Variants in GRM7 observed in about 807,000 individuals in gnomAD.
GRM7 encodes the protein glutamate metabotropic receptor 7.
A neutral mutation model predicts 84.5 loss-of-function variants in GRM7; 35 were observed. That is an observed-to-expected ratio of 0.41 (90% confidence interval 0.32 to 0.55). GRM7 has a LOEUF of 0.55. Among genes scored for constraint, GRM7 ranks in the 20% least tolerant of loss-of-function variants. The pLI, the probability that GRM7 is intolerant of heterozygous loss-of-function variation, is 0.19. For synonymous variants in GRM7, 487 were observed against 455.1 expected, an observed-to-expected ratio of 1.07 and a Z score of -0.89; for missense variants, 1,003 against 1,194.6, an observed-to-expected ratio of 0.84 and a Z score of 2.36.
At chr3:7,271,514 G>C (rs1017840032) in intron 2 of GRM7, among the ~76,000 whole-genome samples, 2 of 146,448 alleles carry the variant, frequency 1.4e-5, no homozygotes, top group African/African-American at 5.1e-5. Context: ...AGCTGAAATC[G>C]CGTCATTGCA....
intron 1 of GRM7, among the ~76,000 whole-genome samples, chr3:6,876,737 G>A (rs1393130899): frequency 6.6e-6 from 1 of 151,814 alleles, no homozygotes; most frequent in Non-Finnish European, 1.5e-5. Context: ...GAGAAGCTGG[G>A]ATTATAGGCA....
intron 1 of GRM7, among the ~76,000 whole-genome samples, chr3:7,061,519 C>T (rs1241833657): frequency 2.6e-5 from 4 of 151,594 alleles, no homozygotes; most frequent in Non-Finnish European, 5.9e-5. Context: ...TTGTACCTAG[C>T]AATTAAGATC....
intron 7 of GRM7, among the ~76,000 whole-genome samples, chr3:7,562,072 C>G (rs1036728598): frequency 2.0e-5 from 3 of 152,120 alleles, no homozygotes; most frequent in Admixed American, 6.6e-5. Flanking sequence ...AACTGATTCT[C>G]CAATTCATCA....
At chr3:7,389,737 G>A (rs1010098131) in intron 4 of GRM7, among the ~76,000 whole-genome samples, 2 of 150,774 alleles carry the variant, frequency 1.3e-5, no homozygotes, top group African/African-American at 4.9e-5. Flanking sequence ...CTGAGTCTAT[G>A]AGTGTCATTA....
chr3:7,362,190 G>GTAAT (rs1693692733), intron 4 of GRM7, among the ~76,000 whole-genome samples: 1 of 152,036 alleles, frequency 6.6e-6, no homozygotes, highest in Non-Finnish European at 1.5e-5. Context: ...TTGTAACAGC[G>GTAAT]TAATTAATGT....
intron 8 of GRM7, among the ~76,000 whole-genome samples, chr3:7,631,038 A>T (rs566858741): frequency 6.6e-6 from 1 of 152,298 alleles, no homozygotes; most frequent in Admixed American, 6.5e-5. Flanking sequence ...TCCTCTCTGG[A>T]TCTGTGTTCT....
intron 7 of GRM7, among the ~76,000 whole-genome samples, chr3:7,572,823 AATATATATATATAT>A (rs1158871205): frequency 0.013 from 162 of 12,410 alleles, 4 homozygotes; most frequent in African/African-American, 0.031. Flanking sequence ...CTCTATCTCA[AATATATATATATAT>A]ATATATATAT....
intron 1 of GRM7, among the ~76,000 whole-genome samples, chr3:7,035,525 G>A (rs532857159): frequency 6.6e-6 from 1 of 152,262 alleles, no homozygotes; most frequent in Middle Eastern, 3.4e-3. Flanking sequence ...GTGGCTATCC[G>A]AAATAAACAA....
intron 8 of GRM7, among the ~76,000 whole-genome samples, chr3:7,674,366 A>T (rs1412399080): frequency 1.3e-5 from 2 of 151,910 alleles, no homozygotes; most frequent in African/African-American, 4.8e-5. Flanking sequence ...TAACCGTTGT[A>T]TTTTTAATAG....
At chr3:7,633,725 T>C (rs541331168) in intron 8 of GRM7, among the ~76,000 whole-genome samples, 5 of 152,316 alleles carry the variant, frequency 3.3e-5, no homozygotes, top group Admixed American at 2.0e-4. Context: ...AAAGTGATCA[T>C]TGATGTTCCT....
chr3:7,230,428 T>TGCCTTGCTTTTGC (rs1697156400), intron 2 of GRM7, among the ~76,000 whole-genome samples: 2 of 152,178 alleles, frequency 1.3e-5, no homozygotes, highest in African/African-American at 2.4e-5. Flanking sequence ...TGCTATTGAG[T>TGCCTTGCTTTTGC]AGTAAGTGCC....
chr3:7,077,067 G>A (rs996119490), intron 1 of GRM7, among the ~76,000 whole-genome samples: 2 of 152,132 alleles, frequency 1.3e-5, no homozygotes, highest in Non-Finnish European at 2.9e-5. Context: ...AAAAAGTCAG[G>A]AAACAACAGG....
chr3:7,649,449 T>G (rs1361970010), intron 8 of GRM7, among the ~76,000 whole-genome samples: 6 of 152,200 alleles, frequency 3.9e-5, no homozygotes, highest in Admixed American at 2.6e-4. Flanking sequence ...AAAATAAACC[T>G]TTTTGATGAA....
intron 4 of GRM7, among the ~76,000 whole-genome samples, chr3:7,332,659 G>A (rs547490423): frequency 1.1e-4 from 17 of 152,300 alleles, no homozygotes; most frequent in South Asian, 8.3e-4. Flanking sequence ...AACAGAAATA[G>A]CGTGTGGAGA....
At chr3:6,888,517 G>A (rs1695797220) in intron 1 of GRM7, among the ~76,000 whole-genome samples, 1 of 152,074 alleles carries the variant, frequency 6.6e-6, no homozygotes, top group Non-Finnish European at 1.5e-5. Flanking sequence ...GTTTTTCTCA[G>A]GTTTGTCAAA....
chr3:7,471,782 A>C (rs942250893), intron 7 of GRM7, among the ~76,000 whole-genome samples: 1 of 152,188 alleles, frequency 6.6e-6, no homozygotes, highest in African/African-American at 2.4e-5. Context: ...GTTGAGAAGA[A>C]TGGATTATTT....
intron 3 of GRM7, among the ~76,000 whole-genome samples, chr3:7,301,106 A>G (rs919908036): frequency 1.3e-5 from 2 of 152,102 alleles, no homozygotes; most frequent in Non-Finnish European, 2.9e-5. Flanking sequence ...CAAAATGCAT[A>G]ACTCTTATCC....
intron 1 of GRM7, among the ~76,000 whole-genome samples, chr3:7,083,588 G>A (rs1698342046): frequency 6.6e-6 from 1 of 151,992 alleles, no homozygotes. Flanking sequence ...TCTTTCTGTA[G>A]GCCTGCATTC....
chr3:6,964,156 T>C (rs868063179), intron 1 of GRM7, among the ~76,000 whole-genome samples: 10 of 152,316 alleles, frequency 6.6e-5, no homozygotes, highest in Middle Eastern at 3.4e-3. Context: ...CGCTGTTAAA[T>C]ATCTCTCCTG....
Sources: allele counts gnomAD v4.1 joint callset (sites outside exome capture counted in the v4.1 genomes callset), GRCh38; gene constraint gnomAD v4.1.1; transcripts MANE v1.5; gene names NCBI Gene and HGNC (gene_info 2026-07-23, HGNC 2026-07-21).